MCC: variants seen among roughly 807,000 people sequenced by gnomAD.
The protein encoded by MCC is colorectal mutant cancer protein.
MCC carries 90 observed loss-of-function variants against 116.2 expected under a neutral mutation model. The ratio of observed to expected loss-of-function variants is 0.77; its 90% CI spans 0.65 to 0.92. The LOEUF (loss-of-function observed/expected upper bound fraction) is 0.92, where lower values mean the gene tolerates loss of function less well. MCC is among the 40% of genes least tolerant of loss of function. The pLI, the probability that MCC is intolerant of heterozygous loss-of-function variation, is 0.00. For missense variants in MCC, 1,516 were observed against 1,312.2 expected, an observed-to-expected ratio of 1.16 and a Z score of -2.40; for synonymous variants, 578 against 510.5, an observed-to-expected ratio of 1.13 and a Z score of -1.78.
intron 1 of MCC, among the ~76,000 whole-genome samples, chr5:113,417,477 A>T (rs987924941): frequency 6.6e-6 from 1 of 152,182 alleles, no homozygotes; most frequent in African/African-American, 2.4e-5. Context: ...TTCCCTGTGC[A>T]CCAGTGCAGC....
At chr5:113,384,860 G>A in intron 2 of MCC, 108 bp downstream of exon 2, 1 of 1,331,178 alleles carries the variant, frequency 7.5e-7, no homozygotes, top group South Asian at 1.4e-5. Flanking sequence ...GGCAGCCTCA[G>A]TATGAGCTGA....
At chr5:113,129,185 G>A in intron 5 of MCC, among the ~76,000 whole-genome samples, 1 of 152,182 alleles carries the variant, frequency 6.6e-6, no homozygotes, top group Non-Finnish European at 1.5e-5. Flanking sequence ...GAGGTTAAAG[G>A]TGTGAGAGAG....
intron 16 of MCC, among the ~76,000 whole-genome samples, chr5:113,048,047 G>A (rs1050558457): frequency 4.6e-5 from 7 of 152,200 alleles, no homozygotes; most frequent in East Asian, 1.9e-4. Flanking sequence ...AAGAGAGCCC[G>A]TTAGTGGATC....
chr5:113,294,553 TA>T (rs1347586425), intron 3 of MCC: 2 of 1,365,340 alleles, frequency 1.5e-6, no homozygotes, highest in Admixed American at 5.8e-5. Flanking sequence ...CAGGCACTCT[TA>T]AAAAGAGCAG....
chr5:113,119,630 A>C (rs4259163), intron 6 of MCC, among the ~76,000 whole-genome samples: 6,399 of 152,218 alleles, frequency 0.042, 406 homozygotes, highest in African/African-American at 0.13. Flanking sequence ...TGGGAGCACA[A>C]TGACCTGACA....
chr5:113,145,356 G>A (rs1269410165), intron 4 of MCC, among the ~76,000 whole-genome samples: 3 of 152,102 alleles, frequency 2.0e-5, no homozygotes, highest in Admixed American at 2.0e-4. Flanking sequence ...TTCCCATGTT[G>A]CTTGTTCCTC....
At chr5:113,305,629 T>A (rs1184048969) in intron 3 of MCC, among the ~76,000 whole-genome samples, 1 of 152,150 alleles carries the variant, frequency 6.6e-6, no homozygotes, top group Non-Finnish European at 1.5e-5. Flanking sequence ...TCCCAGGCCT[T>A]GTCACCTTAC....
rs780686841 is a variant in MCC, at chr5:113,385,028, A to C, written c.355T>G (p.Cys119Gly). The C allele has an allele frequency of 1.2e-6, 2 of 1,614,228 alleles. No individual in the cohort carries two copies. The highest frequency in any genetic ancestry group is 1.7e-6 in the Non-Finnish European group (2 of 1,180,032). ...ATTCTATCCCTCAGCTTCTTTGTACAGGAGTTGTCTGACTTTGCAGAAAGA... is the reference window on the plus strand; with the variant it reads ...ATTCTATCCCTCAGCTTCTTTGTACCGGAGTTGTCTGACTTTGCAGAAAGA... ...VDLSAKSDNS[C>G]TKKLRDRIAS... is the part of the protein sequence containing the mutation. Residue 119 changes from cysteine to glycine, a missense_variant, in exon 2 of 19, where the codon TGT (cysteine) becomes GGT (glycine). Cys to Gly is a radical substitution (Grantham distance 159, BLOSUM62 -3). Coordinates refer to ENST00000408903, the MANE Select transcript of MCC (RefSeq NM_001085377.2).
intron 3 of MCC, among the ~76,000 whole-genome samples, chr5:113,330,433 T>C (rs1767671402): frequency 6.6e-6 from 1 of 152,238 alleles, no homozygotes; most frequent in South Asian, 2.1e-4. Context: ...GATGCAAAGA[T>C]AGAAAACCTT....
At chr5:113,302,841 G>A (rs1473009528) in intron 3 of MCC, among the ~76,000 whole-genome samples, 2 of 152,206 alleles carry the variant, frequency 1.3e-5, no homozygotes, top group East Asian at 3.9e-4. Context: ...GTAAAAACTG[G>A]GTTGAAGTGC....
intron 1 of MCC, among the ~76,000 whole-genome samples, chr5:113,400,958 A>G (rs1769667225): frequency 6.6e-6 from 1 of 152,230 alleles, no homozygotes; most frequent in South Asian, 2.1e-4. Flanking sequence ...ATCCCACTAA[A>G]GCTAAGCAAT....
chr5:113,068,065 T>C lies in MCC; in HGVS notation c.2029+15A>G. On this transcript the variant is annotated intron_variant, in intron 13 of 18. Coordinates refer to ENST00000408903, the MANE Select transcript of MCC (RefSeq NM_001085377.2). ...GGGAGACAAGAGGAGGAAGAGGGAC[T>C]CTGGAGACACTTACCAGGGGAGGAC... 1 of 1,608,186 alleles carries C rather than the reference T, an allele frequency of 6.2e-7. No homozygotes were observed. The highest frequency in any genetic ancestry group is 8.5e-7 in the Non-Finnish European group (1 of 1,174,630).
intron 9 of MCC, among the ~76,000 whole-genome samples, 181 bp from the exon 10 acceptor site, chr5:113,084,371 CTGCTG>C (rs1755058219): frequency 6.6e-6 from 1 of 152,232 alleles, no homozygotes; most frequent in Non-Finnish European, 1.5e-5. Flanking sequence ...AACTTCAGCA[CTGCTG>C]ATATTTTGGC....
At chr5:113,191,142 C>T (rs564364411) in intron 3 of MCC, among the ~76,000 whole-genome samples, 5 of 152,318 alleles carry the variant, frequency 3.3e-5, no homozygotes, top group South Asian at 2.1e-4. Flanking sequence ...CAAGCATCAC[C>T]GAGCAGAAGG....
At chr5:113,213,629 G>A (rs1040928049) in intron 3 of MCC, among the ~76,000 whole-genome samples, 2 of 152,186 alleles carry the variant, frequency 1.3e-5, no homozygotes, top group Admixed American at 6.5e-5. Flanking sequence ...CAAAGCACGC[G>A]GGTAAGAGAG....
intron 17 of MCC, among the ~76,000 whole-genome samples, chr5:113,035,526 C>CT (rs1437932737): frequency 6.6e-6 from 1 of 152,222 alleles, no homozygotes; most frequent in Non-Finnish European, 1.5e-5. Context: ...GTGGTCTTGC[C>CT]TGGACCTCTA....
intron 3 of MCC, among the ~76,000 whole-genome samples, chr5:113,227,316 C>T (rs778955233): frequency 6.7e-6 from 1 of 149,236 alleles, no homozygotes; most frequent in Non-Finnish European, 1.5e-5. Context: ...TTCATTGCAC[C>T]AGAAAATATA....
intron 1 of MCC, among the ~76,000 whole-genome samples, chr5:113,392,210 A>G (rs915944590): frequency 3.3e-5 from 5 of 152,166 alleles, no homozygotes; most frequent in African/African-American, 1.2e-4. Context: ...ACTGCACTCC[A>G]GCCTGGGCAA....
intron 1 of MCC, among the ~76,000 whole-genome samples, chr5:113,394,580 T>C (rs1056668237): frequency 2.6e-5 from 4 of 152,226 alleles, no homozygotes; most frequent in African/African-American, 9.6e-5. Flanking sequence ...TTTTACATGC[T>C]CCTGCTTTGC....
Sources: gnomAD v4.1 joint callset for allele counts (sites outside exome capture counted in the v4.1 genomes callset) on GRCh38, gnomAD v4.1.1 for gene constraint, MANE v1.5 for transcripts, NCBI Gene and HGNC (gene_info 2026-07-23, HGNC 2026-07-21) for gene names.